The following PSD3 variants were observed in gnomAD, a reference collection of about 807,000 sequenced individuals.
PSD3 encodes the protein pleckstrin and Sec7 domain containing 3.
A neutral mutation model predicts 105.5 loss-of-function variants in PSD3; 49 were observed. The observed-to-expected ratio is 0.46, with a 90% CI of 0.37 to 0.59. PSD3 has a LOEUF of 0.59. Ranked by LOEUF, PSD3 falls within the 20% of genes least tolerant of loss-of-function variation. The pLI is 0.00. For synonymous variants in PSD3, 557 were observed against 457.8 expected (o/e 1.22, Z -2.77); for missense variants, 1,561 against 1,263.8 (o/e 1.24, Z -3.57).
At chr8:18,724,101 G>T (rs1803179686) in intron 9 of PSD3, among the ~76,000 whole-genome samples, 1 of 152,268 alleles carries the variant, frequency 6.6e-6, no homozygotes, top group South Asian at 2.1e-4. Flanking sequence ...ATACTAAAAA[G>T]AAGATGAAAA....
chr8:18,603,228 C>A (rs1452240138), intron 11 of PSD3, among the ~76,000 whole-genome samples: 1 of 152,170 alleles, frequency 6.6e-6, no homozygotes, highest in African/African-American at 2.4e-5. Context: ...CTTGAAAATA[C>A]AAGAAGCTTT....
intron 1 of PSD3, among the ~76,000 whole-genome samples, chr8:19,083,906 C>T (rs896437645): frequency 6.6e-6 from 1 of 152,188 alleles, no homozygotes; most frequent in Admixed American, 6.5e-5. Flanking sequence ...TTTGTCCTTC[C>T]TTCTGGTGTT....
intron 1 of PSD3, among the ~76,000 whole-genome samples, chr8:18,986,298 T>C (rs1454639762): frequency 2.0e-5 from 3 of 152,202 alleles, no homozygotes; most frequent in African/African-American, 7.2e-5. Flanking sequence ...TTTCGCCCCT[T>C]GGTGTTAAGT....
chr8:18,586,907 G>C (rs1803231177), intron 12 of PSD3, among the ~76,000 whole-genome samples: 1 of 152,168 alleles, frequency 6.6e-6, no homozygotes, highest in Non-Finnish European at 1.5e-5. Flanking sequence ...TGTAGAGCCT[G>C]AGTGTGCTAG....
At chr8:19,017,428 A>G (rs1212173272), upstream of PSD3, among the ~76,000 whole-genome samples, 2 of 151,938 alleles carry the variant, frequency 1.3e-5, no homozygotes, top group Non-Finnish European at 2.9e-5. Context: ...ATACCACACA[A>G]CTCACCCATT....
intron 1 of PSD3, among the ~76,000 whole-genome samples, chr8:18,945,898 C>G (rs189926530): frequency 4.6e-5 from 7 of 152,138 alleles, no homozygotes; most frequent in Non-Finnish European, 7.4e-5. Flanking sequence ...CGCTTGAACC[C>G]GGGAAGTGGA....
intron 11 of PSD3, among the ~76,000 whole-genome samples, chr8:18,628,304 C>A (rs1413768689): frequency 1.3e-5 from 2 of 151,696 alleles, no homozygotes; most frequent in East Asian, 3.9e-4. Flanking sequence ...TGATGAAAAC[C>A]AGAGATAGAA....
exon 1 of PSD3, chr8:19,084,538 C>G (rs1489018950): frequency 5.0e-6 from 2 of 402,522 alleles, no homozygotes; most frequent in African/African-American, 2.0e-5. Context: ...ATGATGGGAG[C>G]TGGGCTAGGA....
intron 1 of PSD3, among the ~76,000 whole-genome samples, chr8:19,059,962 T>A (rs1203243995): frequency 6.6e-6 from 1 of 152,212 alleles, no homozygotes; most frequent in Admixed American, 6.5e-5. Flanking sequence ...AATCAATGGA[T>A]GAGCAAGCCT....
chr8:18,828,068 T>TGTATATATATATATATATATATATATA, intron 4 of PSD3, among the ~76,000 whole-genome samples: 2 of 83,304 alleles, frequency 2.4e-5, no homozygotes, highest in South Asian at 6.8e-4. Flanking sequence ...TATATATATA[T>TGTATATATATATATATATATATATATA]TTTTTTTTTT....
intron 14 of PSD3, among the ~76,000 whole-genome samples, chr8:18,566,868 C>G (rs1801801740): frequency 6.6e-6 from 1 of 152,072 alleles, no homozygotes; most frequent in Non-Finnish European, 1.5e-5. Context: ...TTTTTGGTTC[C>G]AGTGTAAGTC....
chr8:18,663,838 C>G (rs745704568), intron 9 of PSD3, among the ~76,000 whole-genome samples: 18 of 152,166 alleles, frequency 1.2e-4, no homozygotes, highest in Non-Finnish European at 2.1e-4. Flanking sequence ...TTGTGGCTAC[C>G]CTGTTTTGAG....
intron 2 of PSD3, among the ~76,000 whole-genome samples, chr8:18,935,651 A>G (rs7819859): frequency 0.49 from 74,420 of 150,784 alleles, 20,138 homozygotes; most frequent in African/African-American, 0.71. Context: ...AGCTAGGATG[A>G]TGCCACTGCA....
intron 10 of PSD3, among the ~76,000 whole-genome samples, chr8:18,646,454 T>C (rs1808040942): frequency 6.6e-6 from 1 of 152,068 alleles, no homozygotes; most frequent in African/African-American, 2.4e-5. Flanking sequence ...TATGTCAAGG[T>C]AAAAAATATT....
At chr8:18,779,469 A>G (rs1223926742) in intron 8 of PSD3, among the ~76,000 whole-genome samples, 1 of 148,946 alleles carries the variant, frequency 6.7e-6, no homozygotes, top group Non-Finnish European at 1.5e-5. Flanking sequence ...TGACTTTATT[A>G]TTTCCTGCTG....
chr8:18,605,200 T>C (rs1180125305), intron 11 of PSD3, among the ~76,000 whole-genome samples: 1 of 152,162 alleles, frequency 6.6e-6, no homozygotes, highest in Non-Finnish European at 1.5e-5. Flanking sequence ...TGAGCGCAGC[T>C]GCAGGGGCTG....
At chr8:18,721,735 A>C (rs1355618472) in intron 9 of PSD3, among the ~76,000 whole-genome samples, 2 of 152,198 alleles carry the variant, frequency 1.3e-5, no homozygotes, top group Non-Finnish European at 2.9e-5. Context: ...TGCTAGTGTA[A>C]CTGTTTACTA....
chr8:18,792,981 G>A (rs534205235), intron 8 of PSD3, among the ~76,000 whole-genome samples: 1 of 152,284 alleles, frequency 6.6e-6, no homozygotes, highest in South Asian at 2.1e-4. Context: ...ATACACCATG[G>A]AATACTATGC....
intron 14 of PSD3, among the ~76,000 whole-genome samples, chr8:18,560,370 C>T (rs1312530444): frequency 1.3e-5 from 2 of 151,930 alleles, no homozygotes; most frequent in Non-Finnish European, 2.9e-5. Context: ...TTTTTTATTC[C>T]CCCACCTTTT....
Sources: allele counts gnomAD v4.1 joint callset (sites outside exome capture counted in the v4.1 genomes callset), GRCh38; gene constraint gnomAD v4.1.1; transcripts MANE v1.5; gene names NCBI Gene and HGNC (gene_info 2026-07-23, HGNC 2026-07-21).